The following TBL1Y variants were observed in gnomAD, a reference collection of about 807,000 sequenced individuals.
TBL1Y encodes the protein F-box-like/WD repeat-containing protein TBL1Y.
A neutral mutation model predicts 12.0 loss-of-function variants in TBL1Y; 15 were observed. The ratio of observed to expected loss-of-function variants is 1.25; its 90% CI spans 0.83 to 1.92. The LOEUF (loss-of-function observed/expected upper bound fraction) is 1.92. TBL1Y is among the 40% of genes most tolerant of loss of function. The probability of loss-of-function intolerance (pLI) is 0.00; values close to 1 mark genes in which losing one functional copy is unlikely to be tolerated. For missense variants in TBL1Y, 148 were observed against 116.7 expected (o/e 1.27, Z -1.24); for synonymous variants, 53 against 42.6 (o/e 1.24, Z -0.95).
At chrY:7,007,935 G>A in intron 4 of TBL1Y, among the ~76,000 whole-genome samples, 1 of 33,484 alleles carries the variant, frequency 3.0e-5, no homozygotes, top group African/African-American at 1.2e-4. Flanking sequence ...CACTGTGCTC[G>A]CTTAGTGGCA....
At chrY:7,038,870 G>T in intron 6 of TBL1Y, among the ~76,000 whole-genome samples, 1 of 33,480 alleles carries the variant, frequency 3.0e-5, no homozygotes, top group Non-Finnish European at 7.4e-5. Flanking sequence ...GAGCAGTCGT[G>T]GGTGCTTTGT....
chrY:6,973,395 T>C (rs2012219760), intron 2 of TBL1Y, among the ~76,000 whole-genome samples: 1 of 32,983 alleles, frequency 3.0e-5, no homozygotes. Context: ...AAGTGACTGC[T>C]CCTGCCCCTG....
intron 2 of TBL1Y, among the ~76,000 whole-genome samples, chrY:6,972,390 G>A: frequency 3.0e-5 from 1 of 33,638 alleles, no homozygotes; most frequent in South Asian, 6.8e-4. Context: ...CAACATAACT[G>A]TCTTGGGATG....
At chrY:6,924,729 T>G (rs914056755) in intron 2 of TBL1Y, among the ~76,000 whole-genome samples, 9 of 33,366 alleles carry the variant, frequency 2.7e-4, no homozygotes, top group Admixed American at 1.9e-3. Flanking sequence ...CTTCACAGTT[T>G]TTGATTGTAT....
chrY:7,044,498 A>G, intron 7 of TBL1Y, among the ~76,000 whole-genome samples: 1 of 33,500 alleles, frequency 3.0e-5, no homozygotes, highest in Admixed American at 2.7e-4. Flanking sequence ...GATTCCCTCT[A>G]TCCTGTCTTT....
At chrY:7,046,265 G>T in intron 7 of TBL1Y, among the ~76,000 whole-genome samples, 1 of 33,074 alleles carries the variant, frequency 3.0e-5, no homozygotes, top group Admixed American at 2.7e-4. Context: ...ATACCAAGAC[G>T]TTGGAGTATG....
intron 4 of TBL1Y, among the ~76,000 whole-genome samples, chrY:7,010,978 C>T (rs1603038030): frequency 3.0e-5 from 1 of 33,235 alleles, no homozygotes; most frequent in East Asian, 7.8e-4. Context: ...GTTCTCATGA[C>T]CCAATTAAAA....
chrY:7,050,973 C>T, intron 7 of TBL1Y, among the ~76,000 whole-genome samples: 1 of 31,952 alleles, frequency 3.1e-5, no homozygotes. Context: ...TGTTCCTACT[C>T]AATTTACCTG....
chrY:6,912,413 G>A, intron 2 of TBL1Y, among the ~76,000 whole-genome samples: 1 of 33,354 alleles, frequency 3.0e-5, no homozygotes, highest in Non-Finnish European at 7.4e-5. Flanking sequence ...TGCAGGCCTA[G>A]TAGAACACAC....
chrY:6,977,023 G>A (rs2012247606), intron 2 of TBL1Y, among the ~76,000 whole-genome samples: 1 of 33,570 alleles, frequency 3.0e-5, no homozygotes, highest in African/African-American at 1.2e-4. Context: ...TTACCTCTGC[G>A]TGGACAACTG....
At chrY:7,077,403 G>A (rs2124187011) in intron 13 of TBL1Y, among the ~76,000 whole-genome samples, 6 of 33,549 alleles carry the variant, frequency 1.8e-4, no homozygotes, top group Non-Finnish European at 3.7e-4. Context: ...GGCTGCTGGA[G>A]CTGACTCAGA....
At chrY:7,017,282 A>G in intron 4 of TBL1Y, among the ~76,000 whole-genome samples, 1 of 33,814 alleles carries the variant, frequency 3.0e-5, no homozygotes, top group South Asian at 6.7e-4. Context: ...AAAATTTTTT[A>G]AAAGAAAAAT....
intron 1 of TBL1Y, among the ~76,000 whole-genome samples, chrY:6,911,709 A>G (rs2011695899): frequency 2.9e-5 from 1 of 34,284 alleles, no homozygotes; most frequent in South Asian, 6.4e-4. Context: ...GGGGTCTGGC[A>G]GATCCTGGGT....
intron 2 of TBL1Y, among the ~76,000 whole-genome samples, chrY:6,970,933 A>T: frequency 5.8e-5 from 2 of 34,659 alleles, no homozygotes; most frequent in Admixed American, 5.2e-4. Context: ...GCTTGCAGCC[A>T]GGCTTTCAAG....
chrY:6,971,435 G>A lies in TBL1Y; in HGVS notation c.-265-6778G>A. On this transcript the variant is annotated intron_variant, in intron 2 of 18. Coordinates refer to ENST00000383032, the MANE Select transcript of TBL1Y (RefSeq NM_033284.2). ...CCAGCCATAGATAGTGTTGGTATGA[G>A]GATTGGTAAAACTAGGGGTGGGGAA... is the stretch of plus-strand genomic sequence containing the variant. Among the ~76,000 whole-genome samples, 4 of 32,333 alleles carry A rather than the reference G, an allele frequency of 1.2e-4. No homozygotes were observed. The South Asian group carries it at 2.9e-3, about 24-fold the overall frequency. The allele number at this position is 32,333 out of a possible 37,273, so 86.7% of individuals were successfully genotyped here.
rs2012978252 is a variant in TBL1Y at position 7,065,858 on chromosome Y, CAGTG to C, written c.457+1710_457+1713del. ...GAGAAAATGGCTGTAGTTGTTTTCACAGTGGATATGGTTGTTTGACTGCATCCCA... is the reference window on the plus strand; with the variant it reads ...GAGAAAATGGCTGTAGTTGTTTTCACGATATGGTTGTTTGACTGCATCCCA... On this transcript the variant is annotated intron_variant, in intron 8 of 18. Coordinates refer to ENST00000383032, the MANE Select transcript of TBL1Y (RefSeq NM_033284.2). Among the ~76,000 whole-genome samples the C allele has an allele frequency of 1.5e-4, 5 of 33,843 alleles. No homozygotes were observed. The East Asian group carries it at 3.9e-3, about 27-fold the overall frequency. The allele number at this position is 33,843 out of a possible 37,273, so 90.8% of individuals were successfully genotyped here. A position where few individuals can be genotyped will look rare whatever the true frequency, so the allele number is the denominator to read the frequency against.
At chrY:7,054,758 A>G (rs2012817588) in intron 7 of TBL1Y, among the ~76,000 whole-genome samples, 1 of 33,888 alleles carries the variant, frequency 3.0e-5, no homozygotes, top group Non-Finnish European at 7.3e-5. Flanking sequence ...ATCCTAATCG[A>G]GCTGAACACT....
At position 7,068,595 on chromosome Y, in the gene TBL1Y, C is replaced by G. The variant is rs72617694; in HGVS notation, c.458-1601C>G. ...TGTGTCAATGCATTAGTCGCTACCC[C>G]TGAGTGCCTGGCTTTGTCTCCCCTG... On this transcript the variant is annotated intron_variant, in intron 8 of 18. Coordinates refer to ENST00000383032, the MANE Select transcript of TBL1Y (RefSeq NM_033284.2). 4.8e-3 allele frequency among the ~76,000 whole-genome samples: 153 copies of G among 31,769 alleles called. No homozygotes were observed. In the East Asian group the frequency reaches 0.12, roughly 24 times the overall value. The allele number at this position is 31,769 out of a possible 37,273, so 85.2% of individuals were successfully genotyped here.
At chrY:6,918,537 T>C in intron 2 of TBL1Y, 1 of 32,743 alleles carries the variant, frequency 3.1e-5, no homozygotes, top group Non-Finnish European at 7.5e-5. Context: ...CCCGAGTAGC[T>C]GGCACTAGAG....
Sources: allele counts gnomAD v4.1 joint callset (sites outside exome capture counted in the v4.1 genomes callset), GRCh38; gene constraint gnomAD v4.1.1; transcripts MANE v1.5; gene names NCBI Gene and HGNC (gene_info 2026-07-23, HGNC 2026-07-21).